RIMS2: variants seen among roughly 807,000 people sequenced by gnomAD.
The protein encoded by RIMS2 is regulating synaptic membrane exocytosis 2, also known as regulating synaptic membrane exocytosis protein 2.
RIMS2 carries 59 observed loss-of-function variants against 174.4 expected under a neutral mutation model. That is an observed-to-expected ratio of 0.34 (90% CI 0.27 to 0.42). The LOEUF (loss-of-function observed/expected upper bound fraction) is 0.42. Among genes scored for constraint, RIMS2 ranks in the 10% least tolerant of loss-of-function variants. RIMS2 has a pLI of 1.00. For synonymous variants in RIMS2, 606 were observed against 572.5 expected (o/e 1.06, Z -0.84); for missense variants, 1,620 against 1,666.3 (o/e 0.97, Z 0.48).
At chr8:103,984,489 C>A (rs1397373082) in intron 16 of RIMS2, among the ~76,000 whole-genome samples, 1 of 152,116 alleles carries the variant, frequency 6.6e-6, no homozygotes, top group African/African-American at 2.4e-5. Flanking sequence ...AAATGCAAAT[C>A]AAAACTACAA....
intron 1 of RIMS2, among the ~76,000 whole-genome samples, chr8:103,552,161 A>G (rs1294977881): frequency 2.0e-5 from 3 of 152,228 alleles, no homozygotes; most frequent in Non-Finnish European, 4.4e-5. Flanking sequence ...CTAAGCCAAA[A>G]AAACAAAGCT....
At chr8:103,638,962 A>G (rs536936479) in intron 1 of RIMS2, among the ~76,000 whole-genome samples, 1 of 152,096 alleles carries the variant, frequency 6.6e-6, no homozygotes, top group East Asian at 1.9e-4. Context: ...TTGTACTGAT[A>G]TGTCTGTCTC....
At chr8:104,083,457 C>G (rs1209192467) in intron 19 of RIMS2, among the ~76,000 whole-genome samples, 1 of 152,120 alleles carries the variant, frequency 6.6e-6, no homozygotes, top group Non-Finnish European at 1.5e-5. Flanking sequence ...TTTCTATACC[C>G]TATATCCCAA....
At chr8:103,930,639 T>C (rs2079733636) in intron 11 of RIMS2, among the ~76,000 whole-genome samples, 1 of 152,138 alleles carries the variant, frequency 6.6e-6, no homozygotes, top group African/African-American at 2.4e-5. Flanking sequence ...TCTTTTATCC[T>C]AAGGATATTA....
At chr8:103,793,295 G>A (rs923847376) in intron 3 of RIMS2, among the ~76,000 whole-genome samples, 2 of 152,148 alleles carry the variant, frequency 1.3e-5, no homozygotes, top group African/African-American at 2.4e-5. Context: ...ATCAGTAAAC[G>A]TAACCCCTCA....
intron 2 of RIMS2, among the ~76,000 whole-genome samples, chr8:103,755,322 T>C (rs185075225): frequency 1.4e-3 from 211 of 152,338 alleles, no homozygotes; most frequent in African/African-American, 4.9e-3. Context: ...GGGCTTCCCT[T>C]TGTGGGTAAC....
At chr8:104,166,176 C>T (rs1489958637) in intron 19 of RIMS2, among the ~76,000 whole-genome samples, 4 of 150,794 alleles carry the variant, frequency 2.7e-5, no homozygotes, top group African/African-American at 9.8e-5. Context: ...ACGCCATTCT[C>T]CTGCCTCAGC....
chr8:103,611,714 T>G (rs2160714), intron 1 of RIMS2, among the ~76,000 whole-genome samples: 56,986 of 151,642 alleles, frequency 0.38, 11,034 homozygotes, highest in African/African-American at 0.4. Flanking sequence ...CTTTATCCTT[T>G]AGCTGTGGGA....
At chr8:103,792,679 C>A (rs140202834) in intron 3 of RIMS2, among the ~76,000 whole-genome samples, 7,822 of 143,546 alleles carry the variant, frequency 0.054, 306 homozygotes, top group Non-Finnish European at 0.079. Context: ...ATTGATAGAT[C>A]GCTAGCAAGA....
chr8:103,575,590 C>T (rs2093157047), intron 1 of RIMS2, among the ~76,000 whole-genome samples: 1 of 150,912 alleles, frequency 6.6e-6, no homozygotes, highest in Non-Finnish European at 1.5e-5. Flanking sequence ...AAGCTGGCTG[C>T]ACTCCCCCAC....
intron 2 of RIMS2, among the ~76,000 whole-genome samples, chr8:103,758,230 A>G (rs902978019): frequency 7.9e-5 from 12 of 152,114 alleles, no homozygotes; most frequent in African/African-American, 2.9e-4. Flanking sequence ...TAATAATTTC[A>G]TGATTGCCTT....
chr8:104,101,069 A>G (rs1566396975), intron 19 of RIMS2, among the ~76,000 whole-genome samples: 1 of 143,418 alleles, frequency 7.0e-6, no homozygotes, highest in Non-Finnish European at 1.5e-5. Context: ...AATATATGTT[A>G]TATATTATAT....
At chr8:104,095,871 A>T (rs1470957271) in intron 19 of RIMS2, among the ~76,000 whole-genome samples, 1 of 152,108 alleles carries the variant, frequency 6.6e-6, no homozygotes, top group Non-Finnish European at 1.5e-5. Context: ...CTACCCATTG[A>T]GTATACAATT....
intron 19 of RIMS2, among the ~76,000 whole-genome samples, chr8:104,202,128 T>C (rs1309655727): frequency 6.6e-6 from 1 of 152,136 alleles, no homozygotes; most frequent in African/African-American, 2.4e-5. Flanking sequence ...GTCTTACATA[T>C]GTAAAAATGC....
chr8:103,809,762 T>A (rs940249979), intron 3 of RIMS2, among the ~76,000 whole-genome samples: 1 of 152,112 alleles, frequency 6.6e-6, no homozygotes, highest in East Asian at 1.9e-4. Context: ...CACATATTAC[T>A]GATGAGAGGA....
intron 15 of RIMS2, among the ~76,000 whole-genome samples, chr8:103,963,455 C>T (rs915750164): frequency 5.3e-5 from 8 of 152,106 alleles, no homozygotes; most frequent in South Asian, 4.1e-4. Flanking sequence ...GGAACTGTTT[C>T]GACTAACTTA....
At chr8:103,680,246 A>G (rs2096863016) in intron 1 of RIMS2, among the ~76,000 whole-genome samples, 1 of 152,096 alleles carries the variant, frequency 6.6e-6, no homozygotes, top group African/African-American at 2.4e-5. Context: ...GGAACTTAGT[A>G]TATGATAGAT....
chr8:104,143,234 A>T (rs1395810745), intron 19 of RIMS2, among the ~76,000 whole-genome samples: 2 of 152,248 alleles, frequency 1.3e-5, no homozygotes, highest in Non-Finnish European at 2.9e-5. Flanking sequence ...GCCTAAAATC[A>T]TAGATGGTAA....
chr8:103,609,779 G>T (rs905371096), intron 1 of RIMS2, among the ~76,000 whole-genome samples: 8 of 152,154 alleles, frequency 5.3e-5, no homozygotes, highest in African/African-American at 1.7e-4. Flanking sequence ...TTTCAGTTTT[G>T]TTCTTTCTGC....
Sources: allele counts gnomAD v4.1 joint callset (sites outside exome capture counted in the v4.1 genomes callset), GRCh38; gene constraint gnomAD v4.1.1; transcripts MANE v1.5; gene names NCBI Gene and HGNC (gene_info 2026-07-23, HGNC 2026-07-21).